Variants in BABAM2 observed in about 807,000 individuals in gnomAD.
BABAM2 encodes the protein BRISC and BRCA1 A complex member 2, also known as BRISC and BRCA1-A complex member 2.
In BABAM2, 31 loss-of-function variants were observed where a neutral mutation model predicts 54.7. That is an observed-to-expected ratio of 0.57 (90% CI 0.43 to 0.77). The LOEUF (loss-of-function observed/expected upper bound fraction) is 0.77, where lower values mean the gene tolerates loss of function less well. BABAM2 is among the 30% of genes least tolerant of loss of function. The pLI is 0.00. For missense variants in BABAM2, 364 were observed against 455.8 expected, an observed-to-expected ratio of 0.80 and a Z score of 1.83; for synonymous variants, 167 against 162.9, an observed-to-expected ratio of 1.03 and a Z score of -0.19.
At chr2:28,123,070 A>G (rs1012531463) in intron 6 of BABAM2, among the ~76,000 whole-genome samples, 7 of 152,154 alleles carry the variant, frequency 4.6e-5, no homozygotes, top group African/African-American at 1.7e-4. Flanking sequence ...TAGAAAAGCT[A>G]GTTCAGTGGC....
chr2:27,955,884 T>G (rs531940295), intron 3 of BABAM2, among the ~76,000 whole-genome samples: 124 of 152,304 alleles, frequency 8.1e-4, no homozygotes, highest in African/African-American at 3.0e-3. Flanking sequence ...GTGTTTCTGA[T>G]TTCTCATTCC....
chr2:27,977,052 C>T (rs550676932), intron 3 of BABAM2, among the ~76,000 whole-genome samples: 1 of 152,168 alleles, frequency 6.6e-6, no homozygotes, highest in East Asian at 1.9e-4. Flanking sequence ...AGTCTTTTTC[C>T]TTGATATTGG....
At chr2:28,241,540 G>A in intron 9 of BABAM2, 147 bp downstream of exon 9, 1 of 730,584 alleles carries the variant, frequency 1.4e-6, no homozygotes, top group Non-Finnish European at 2.3e-6. Flanking sequence ...TGTCACCCAG[G>A]CTGGAGTGTA....
At chr2:27,906,506 T>A (rs1315899742) in intron 2 of BABAM2, among the ~76,000 whole-genome samples, 1 of 152,220 alleles carries the variant, frequency 6.6e-6, no homozygotes, top group Non-Finnish European at 1.5e-5. Context: ...TATTTTGTGC[T>A]TAAGATTGTA....
chr2:28,220,024 C>T (rs573691068), intron 7 of BABAM2, among the ~76,000 whole-genome samples: 177 of 152,220 alleles, frequency 1.2e-3, no homozygotes, highest in South Asian at 5.8e-3. Flanking sequence ...CTGTTTCTGA[C>T]GACGTGCTTT....
chr2:28,327,545 C>A, intron 11 of BABAM2: 2 of 1,351,880 alleles, frequency 1.5e-6, no homozygotes, highest in Non-Finnish European at 2.0e-6. Context: ...TTGTTGAAGT[C>A]CTCCTAAAAC....
chr2:28,241,612 A>G (rs1403779876), intron 9 of BABAM2, among the ~76,000 whole-genome samples: 2 of 151,970 alleles, frequency 1.3e-5, no homozygotes, highest in African/African-American at 2.4e-5. Context: ...CTCCTGCCTC[A>G]GTCTCCTGAG....
At chr2:28,185,471 G>A (rs972152528) in intron 7 of BABAM2, among the ~76,000 whole-genome samples, 2 of 152,166 alleles carry the variant, frequency 1.3e-5, no homozygotes, top group Admixed American at 6.5e-5. Flanking sequence ...ACATCCTTGG[G>A]CACAGTTTTG....
intron 7 of BABAM2, among the ~76,000 whole-genome samples, chr2:28,205,931 A>G (rs1054133222): frequency 6.6e-6 from 1 of 152,180 alleles, no homozygotes; most frequent in Non-Finnish European, 1.5e-5. Context: ...TGCTTTTCAA[A>G]TTAGTTTGTT....
rs990331243 is a variant in BABAM2 at position 28,067,088 on chromosome 2, C to T, written c.570+21289C>T. Among the ~76,000 whole-genome samples, 4 of 152,278 alleles carry T rather than the reference C, an allele frequency of 2.6e-5. No individual in the cohort carries two copies. The East Asian group carries it at 5.8e-4, about 22-fold the overall frequency. ...CTGGGATTACAGGCATGTGCCACCA[C>T]GCCCGGCTAATTTTTGTATTTTTAG... On this transcript the variant is annotated intron_variant, in intron 6 of 11. Transcript: ENST00000379624.
intron 7 of BABAM2, among the ~76,000 whole-genome samples, chr2:28,222,086 C>G (rs1461813236): frequency 6.6e-6 from 1 of 152,166 alleles, no homozygotes; most frequent in African/African-American, 2.4e-5. Context: ...TGGCCGGAAG[C>G]TCTGTGGTGG....
intron 9 of BABAM2, among the ~76,000 whole-genome samples, chr2:28,241,882 T>TC (rs1429949710): frequency 1.4e-5 from 2 of 143,784 alleles, no homozygotes; most frequent in Non-Finnish European, 3.1e-5. Context: ...TTTTTTTTTT[T>TC]TCGGTACTCT....
At chr2:28,314,216 A>C (rs929748262) in intron 11 of BABAM2, among the ~76,000 whole-genome samples, 34 of 152,176 alleles carry the variant, frequency 2.2e-4, no homozygotes, top group Non-Finnish European at 1.9e-4. Context: ...TATGTTTTTT[A>C]ATTTCTGTAA....
intron 6 of BABAM2, among the ~76,000 whole-genome samples, chr2:28,079,118 A>G (rs1367181684): frequency 3.3e-5 from 5 of 152,222 alleles, no homozygotes; most frequent in Non-Finnish European, 7.3e-5. Flanking sequence ...AAAAAATTGC[A>G]GAAAGAAAAA....
At chr2:28,306,652 T>C (rs1688545749) in intron 11 of BABAM2, among the ~76,000 whole-genome samples, 1 of 152,136 alleles carries the variant, frequency 6.6e-6, no homozygotes, top group South Asian at 2.1e-4. Context: ...TAATGTAGTC[T>C]TAACATGTCT....
At chr2:28,096,568 G>T (rs1666644748) in intron 6 of BABAM2, among the ~76,000 whole-genome samples, 1 of 152,026 alleles carries the variant, frequency 6.6e-6, no homozygotes, top group Non-Finnish European at 1.5e-5. Context: ...GCTCTCCAGT[G>T]CTCTTCATAA....
intron 7 of BABAM2, among the ~76,000 whole-genome samples, chr2:28,215,442 T>C (rs1184290199): frequency 6.6e-6 from 1 of 152,232 alleles, no homozygotes; most frequent in Non-Finnish European, 1.5e-5. Context: ...AGCACTGATA[T>C]GTTTAACAAT....
At chr2:28,334,070 G>T (rs1177544239) in intron 11 of BABAM2, among the ~76,000 whole-genome samples, 1 of 152,192 alleles carries the variant, frequency 6.6e-6, no homozygotes, top group South Asian at 2.1e-4. Flanking sequence ...GGCACTCGCC[G>T]AAAACAGCTG....
At chr2:28,202,798 C>A (rs1180740227) in intron 7 of BABAM2, among the ~76,000 whole-genome samples, 1 of 152,176 alleles carries the variant, frequency 6.6e-6, no homozygotes, top group Non-Finnish European at 1.5e-5. Context: ...AAATAAACAT[C>A]TTCAACAGGT....
Sources: allele counts gnomAD v4.1 joint callset (sites outside exome capture counted in the v4.1 genomes callset), GRCh38; gene constraint gnomAD v4.1.1; transcripts MANE v1.5; gene names NCBI Gene and HGNC (gene_info 2026-07-23, HGNC 2026-07-21).